NPC1: variants seen among roughly 807,000 people sequenced by gnomAD.
The protein encoded by NPC1 is Niemann-Pick C1 protein.
In NPC1, 85 loss-of-function variants were observed where a neutral mutation model predicts 140.4. The ratio of observed to expected loss-of-function variants is 0.61; its 90% confidence interval spans 0.51 to 0.72. The LOEUF (loss-of-function observed/expected upper bound fraction) is 0.72. NPC1 is among the 30% of genes least tolerant of loss of function. The pLI is 0.00. For synonymous variants in NPC1, 656 were observed against 624.8 expected, an observed-to-expected ratio of 1.05 and a Z score of -0.74; for missense variants, 1,504 against 1,623.8, an observed-to-expected ratio of 0.93 and a Z score of 1.27.
At chr18:23,533,688 T>C (rs1228587391) in intron 23 of NPC1, 171 bp from the exon 24 acceptor site, 1 of 657,034 alleles carries the variant, frequency 1.5e-6, no homozygotes. Context: ...TTTGTGTTTT[T>C]AGTAGAGATG....
In NPC1 at chr18:23,535,630, G is replaced by C; in HGVS notation, c.3316C>G (p.Leu1106Val). The change falls in exon 22 of 25, where the codon CTG becomes GTG. Residue 1106 changes from leucine to valine, a missense_variant. By Grantham distance (32) the Leu-to-Val change is conservative. Transcript: ENST00000269228. ...ATGGTCACCAGAAATATCGCGCCCA[G>C]GGACACACCGAGGTTGAAGATAGTG... ...DDTIFNLGVS[L>V]GAIFLVTMVL... The C allele has an allele frequency of 6.2e-7, 1 of 1,614,132 alleles. No individual in the cohort carries two copies. Among genetic ancestry groups the C allele is most frequent in the African/African-American group, 1.3e-5 (1 of 75,026 alleles).
chr18:23,584,088 A>G (rs2059386768), intron 1 of NPC1, among the ~76,000 whole-genome samples: 1 of 152,254 alleles, frequency 6.6e-6, no homozygotes, highest in Non-Finnish European at 1.5e-5. Context: ...AAAACTGCAT[A>G]TAGTTTTTAG....
At chr18:23,553,871 A>C (rs940693877) in intron 9 of NPC1, among the ~76,000 whole-genome samples, 1 of 152,216 alleles carries the variant, frequency 6.6e-6, no homozygotes, top group South Asian at 2.1e-4. Flanking sequence ...AAAGCTGCGG[A>C]GCTGCAGACC....
At chr18:23,575,379 TC>T (rs1398910282) in intron 1 of NPC1, among the ~76,000 whole-genome samples, 1 of 151,896 alleles carries the variant, frequency 6.6e-6, no homozygotes, top group African/African-American at 2.4e-5. Context: ...TGGGATCGAG[TC>T]CTGGGTTCTG....
At chr18:23,565,928 T>A (rs184148251) in intron 4 of NPC1, among the ~76,000 whole-genome samples, 47 of 152,340 alleles carry the variant, frequency 3.1e-4, no homozygotes, top group Admixed American at 5.9e-4. Flanking sequence ...TATAGGTCTT[T>A]GTATCTGTAT....
intron 3 of NPC1, among the ~76,000 whole-genome samples, chr18:23,516,727 CTTTT>C (rs35162212): frequency 1.4e-5 from 1 of 73,970 alleles, no homozygotes; most frequent in East Asian, 6.8e-4. Flanking sequence ...ATTTCTTCTT[CTTTT>C]TTTTTTTTTT....
At chr18:23,531,064 G>A (rs895257197), downstream of NPC1, among the ~76,000 whole-genome samples, 1 of 151,706 alleles carries the variant, frequency 6.6e-6, no homozygotes, top group African/African-American at 2.4e-5. Flanking sequence ...GTGTGATCTC[G>A]GTTCACTGCA....
chr18:23,566,890 G>A (rs976189676), intron 4 of NPC1, among the ~76,000 whole-genome samples: 3 of 152,046 alleles, frequency 2.0e-5, no homozygotes, highest in South Asian at 2.1e-4. Flanking sequence ...CTGTCTCCAC[G>A]GTTTTGCCTT....
chr18:23,582,927 A>G (rs2059373543), intron 1 of NPC1, among the ~76,000 whole-genome samples: 2 of 152,046 alleles, frequency 1.3e-5, no homozygotes, highest in Non-Finnish European at 2.9e-5. Flanking sequence ...TGGGCAACAC[A>G]GCAAGACCTT....
In NPC1 at chr18:23,586,429, A is replaced by G. The variant is rs2145604554; in HGVS notation, c.-86T>C. 1.3e-6 allele frequency: 2 copies of G among 1,520,450 alleles called. No individual in the cohort carries two copies. Among genetic ancestry groups the G allele is most frequent in the South Asian group, 1.2e-5 (1 of 82,462 alleles). 94.2% of individuals were successfully genotyped at this position (1,520,450 alleles called of 1,614,324 possible). A position where few individuals can be genotyped will look rare whatever the true frequency, so the allele number is the denominator to read the frequency against. ...CGGCTCTACTTCCCCGGGCTGTTTCAGCACCCCGCGCAGGAGGAGCGGAGG... is the reference window on the plus strand; with the variant it reads ...CGGCTCTACTTCCCCGGGCTGTTTCGGCACCCCGCGCAGGAGGAGCGGAGG... On this transcript the variant is annotated 5_prime_UTR_variant, in exon 1 of 25. Transcript: ENST00000269228.
downstream of NPC1, chr18:23,530,457 G>C: frequency 6.2e-7 from 1 of 1,614,258 alleles, no homozygotes; most frequent in South Asian, 1.1e-5. Flanking sequence ...GCTGCCTTAA[G>C]GTTTATCCGG....
At position 23,557,102 on chromosome 18, in the gene NPC1, G is replaced by C; in HGVS notation, c.955+15C>G. 6.2e-7 allele frequency: 1 copy of C among 1,601,990 alleles called. No individual in the cohort carries two copies. The highest frequency in any genetic ancestry group is 8.6e-7 in the Non-Finnish European group (1 of 1,169,248). ...CATCATCTGAACCCTTTTATTCATGGACAAATATGCCTACCTTTGTCACTT... is the reference window on the plus strand; with the variant it reads ...CATCATCTGAACCCTTTTATTCATGCACAAATATGCCTACCTTTGTCACTT... On this transcript the variant is annotated intron_variant, in intron 7 of 24. Coordinates refer to ENST00000269228, the MANE Select transcript of NPC1 (RefSeq NM_000271.5).
chr18:23,523,543 CAAAAAAAAAAAAA>C (rs374224848), intron 1 of NPC1, among the ~76,000 whole-genome samples: 18,517 of 76,544 alleles, frequency 0.24, 1,592 homozygotes, highest in Middle Eastern at 0.54. Context: ...CTTGTCTTCA[CAAAAAAAAAAAAA>C]AAAAAAAAAA....
intron 4 of NPC1, among the ~76,000 whole-genome samples, chr18:23,564,249 G>A (rs1215714277): frequency 6.6e-6 from 1 of 152,156 alleles, no homozygotes; most frequent in Non-Finnish European, 1.5e-5. Context: ...CCCCCAAAGT[G>A]CTGGGATTAC....
chr18:23,561,188 C>A (rs188656250), intron 5 of NPC1, among the ~76,000 whole-genome samples, 172 bp downstream of exon 5: 229 of 152,260 alleles, frequency 1.5e-3, no homozygotes, highest in Non-Finnish European at 2.2e-3. Flanking sequence ...ATGTTTAATT[C>A]TTTCATAGAG....
chr18:23,541,124 A>T lies in NPC1; in HGVS notation c.2458T>A (p.Phe820Ile). The part of the protein sequence containing the change: ...VQASESCLFR[F>I]FKNSYSPLLL... Reference sequence around the variant, plus strand: ...AGTGGAGAATAGGAGTTTTTGAAGAAGCGAAACAAACAGCTCTCTGAGGCC... The same window carrying T: ...AGTGGAGAATAGGAGTTTTTGAAGATGCGAAACAAACAGCTCTCTGAGGCC... The change falls in exon 16 of 25, where the codon TTC becomes ATC. Residue 820 changes from phenylalanine to isoleucine, a missense_variant. Phe to Ile is a conservative substitution (Grantham distance 21, BLOSUM62 0). Transcript: ENST00000269228. 6.2e-7 allele frequency: 1 copy of T among 1,614,232 alleles called. No homozygotes were observed. The highest frequency in any genetic ancestry group is 8.5e-7 in the Non-Finnish European group (1 of 1,180,034).
chr18:23,530,456 A>C (rs1344166757), downstream of NPC1: 1 of 1,614,252 alleles, frequency 6.2e-7, no homozygotes, highest in Non-Finnish European at 8.5e-7. Flanking sequence ...AGCTGCCTTA[A>C]GGTTTATCCG....
At chr18:23,533,995 G>A (rs373705496) in intron 23 of NPC1, 32 of 316,520 alleles carry the variant, frequency 1.0e-4, no homozygotes, top group South Asian at 9.6e-4. Context: ...ATATTCTCAG[G>A]TGAAAACTTA....
chr18:23,544,376 C>T lies in NPC1; in HGVS notation c.2098G>A (p.Asp700Asn). ...GCCTGCACCAGAATGAAGATGTTGT[C>T]CACTCCAACAGCCAGCACCAGGAAC... ...IPFLVLAVGV[D>N]NIFILVQAYQ... Residue 700 changes from aspartate to asparagine, a missense_variant, in exon 13 of 25, where the codon GAC (aspartate) becomes AAC (asparagine). By Grantham distance (23) the Asp-to-Asn change is conservative. Coordinates refer to ENST00000269228, the MANE Select transcript of NPC1 (RefSeq NM_000271.5). The T allele has an allele frequency of 6.2e-7, 1 of 1,614,152 alleles. No individual in the cohort carries two copies. The highest frequency in any genetic ancestry group is 8.5e-7 in the Non-Finnish European group (1 of 1,180,048).
Sources: gnomAD v4.1 joint callset for allele counts (sites outside exome capture counted in the v4.1 genomes callset) on GRCh38, gnomAD v4.1.1 for gene constraint, MANE v1.5 for transcripts, NCBI Gene and HGNC (gene_info 2026-07-23, HGNC 2026-07-21) for gene names.